The following TANGO2 variants were observed in gnomAD, a reference collection of about 807,000 sequenced individuals.
The protein encoded by TANGO2 is transport and Golgi organization protein 2 homolog.
Under a neutral mutation model 39.1 loss-of-function variants are expected in TANGO2, and 26 were observed. That is an observed-to-expected ratio of 0.67 (90% CI 0.49 to 0.92). TANGO2 has a LOEUF of 0.92. TANGO2 is among the 40% of genes least tolerant of loss of function. The probability of loss-of-function intolerance (pLI) is 0.00; values close to 1 mark genes in which losing one functional copy is unlikely to be tolerated. For missense variants in TANGO2, 326 were observed against 360.1 expected, an observed-to-expected ratio of 0.91 and a Z score of 0.77; for synonymous variants, 131 against 144.5, an observed-to-expected ratio of 0.91 and a Z score of 0.67.
rs775375800 is a variant in TANGO2, at chr22:20,053,624, G to A, written c.380+73G>A. ...GGGCAGGCCTCAGGCTCATCAGGAA[G>A]TGGGGTTCCACTGGGGGCTGTGGCA... is the stretch of plus-strand genomic sequence containing the variant. On this transcript the variant is annotated intron_variant, in intron 5 of 8. Transcript: ENST00000327374. 52 of 1,029,446 alleles carry A rather than the reference G, an allele frequency of 5.1e-5. No individual in the cohort carries two copies. The Middle Eastern group carries it at 8.1e-4, about 16-fold the overall frequency. The allele number at this position is 1,029,446 out of a possible 1,614,324, so 63.8% of individuals were successfully genotyped here. A position where few individuals can be genotyped will look rare whatever the true frequency, so the allele number is the denominator to read the frequency against.
At chr22:20,062,412 A>C (rs417981) in intron 7 of TANGO2, among the ~76,000 whole-genome samples, 66,460 of 151,508 alleles carry the variant, frequency 0.44, 15,112 homozygotes, top group East Asian at 0.73. Flanking sequence ...TCAGAGAAGC[A>C]CCCATGGACC....
At chr22:20,028,473 C>T (rs2041214779) in intron 1 of TANGO2, among the ~76,000 whole-genome samples, 1 of 152,322 alleles carries the variant, frequency 6.6e-6, no homozygotes, top group African/African-American at 2.4e-5. Context: ...TCCTGGGTGA[C>T]CTGAGCGATG....
At chr22:20,017,712 A>G (rs1945298402), upstream of TANGO2, among the ~76,000 whole-genome samples, 1 of 152,212 alleles carries the variant, frequency 6.6e-6, no homozygotes, top group South Asian at 2.1e-4. Flanking sequence ...GCCTGTTGAG[A>G]TTCACGTAGG....
chr22:20,038,623 T>C (rs1191196150), intron 2 of TANGO2, among the ~76,000 whole-genome samples: 1 of 152,198 alleles, frequency 6.6e-6, no homozygotes, highest in African/African-American at 2.4e-5. Context: ...CTCTGGACTA[T>C]TTTCCGAAGC....
intron 3 of TANGO2, among the ~76,000 whole-genome samples, chr22:20,045,766 G>T (rs1393724185): frequency 6.6e-6 from 1 of 152,060 alleles, no homozygotes. Context: ...TCCTCCCAAA[G>T]TGCTGGGATT....
chr22:20,051,216 A>G (rs1478626726), intron 3 of TANGO2, among the ~76,000 whole-genome samples: 1 of 151,652 alleles, frequency 6.6e-6, no homozygotes, highest in Non-Finnish European at 1.5e-5. Context: ...TTTTTCTGTT[A>G]TAATTAATTA....
upstream of TANGO2, among the ~76,000 whole-genome samples, chr22:20,017,964 C>T (rs911561179): frequency 1.3e-5 from 2 of 152,202 alleles, no homozygotes; most frequent in African/African-American, 4.8e-5. Context: ...TTCTCCAAGG[C>T]CGCCTGGGGA....
intron 4 of TANGO2, 144 bp from the exon 5 acceptor site, chr22:20,053,293 A>AG: frequency 3.3e-6 from 2 of 614,822 alleles, no homozygotes. Context: ...GGTGTGGCTG[A>AG]CTCTTGCGGC....
rs938744763 is a variant in TANGO2 at position 20,033,317 on chromosome 22, C to T, written c.-39-3443C>T. 6.4e-5 allele frequency: 28 copies of T among 436,304 alleles called. 1 individual carries two copies. The highest frequency in any genetic ancestry group is 4.7e-4 in the South Asian group (28 of 59,202). 27.0% of individuals were successfully genotyped at this position (436,304 alleles called of 1,614,324 possible). A position where few individuals can be genotyped will look rare whatever the true frequency, so the allele number is the denominator to read the frequency against. On this transcript the variant is annotated intron_variant, in intron 1 of 8. Coordinates refer to ENST00000327374, the MANE Select transcript of TANGO2 (RefSeq NM_152906.7). Reference sequence around the variant, plus strand: ...ATCTGTTTATGGCCTTCCCTTGGACCATGGAGCCCTCCCTGCCACTGGTGC... The same window carrying T: ...ATCTGTTTATGGCCTTCCCTTGGACTATGGAGCCCTCCCTGCCACTGGTGC...
chr22:20,031,158 G>A (rs1193240912), intron 1 of TANGO2, among the ~76,000 whole-genome samples: 3 of 151,216 alleles, frequency 2.0e-5, no homozygotes, highest in Non-Finnish European at 4.4e-5. Context: ...AGATCGCGCC[G>A]CTGCACTCCA....
chr22:20,029,178 C>T (rs2041361382), intron 1 of TANGO2, among the ~76,000 whole-genome samples: 2 of 152,286 alleles, frequency 1.3e-5, no homozygotes, highest in East Asian at 1.9e-4. Context: ...GAGTTTAGCC[C>T]GTTTCCATTT....
intron 3 of TANGO2, among the ~76,000 whole-genome samples, chr22:20,050,054 T>C (rs1001807307): frequency 1.3e-5 from 2 of 151,324 alleles, no homozygotes; most frequent in Admixed American, 1.3e-4. Context: ...TAAAAAAATA[T>C]GAAAAAATTA....
intron 5 of TANGO2, chr22:20,054,079 A>C: frequency 3.5e-6 from 1 of 283,064 alleles, no homozygotes; most frequent in Non-Finnish European, 6.9e-6. Flanking sequence ...GGCAAACGGG[A>C]AGTGGTCGGC....
At position 20,045,385 on chromosome 22, in the gene TANGO2, A is replaced by G. The variant is rs1346900000; in HGVS notation, c.145+1942A>G. Among the ~76,000 whole-genome samples the G allele has an allele frequency of 3.3e-5, 5 of 152,044 alleles. No individual in the cohort carries two copies. The South Asian group carries it at 1.0e-3, about 32-fold the overall frequency. ...GCCTGGAAGGTAGAAGCTGCAGTGA[A>G]CCGAGACTGAGCCACTGCAGTTAGC... is the stretch of plus-strand genomic sequence containing the variant. On this transcript the variant is annotated intron_variant, in intron 3 of 8. Coordinates refer to ENST00000327374, the MANE Select transcript of TANGO2 (RefSeq NM_152906.7).
intron 4 of TANGO2, among the ~76,000 whole-genome samples, chr22:20,052,801 G>A (rs190306750): frequency 6.6e-6 from 1 of 152,268 alleles, no homozygotes; most frequent in Non-Finnish European, 1.5e-5. Context: ...CGGTGACAAA[G>A]CGTGGCAGGG....
chr22:20,062,174 C>T (rs553515042), intron 7 of TANGO2, among the ~76,000 whole-genome samples: 4 of 152,192 alleles, frequency 2.6e-5, no homozygotes, highest in African/African-American at 4.8e-5. Context: ...CGGGAACTGC[C>T]TGGGTGTAGG....
chr22:20,064,772 C>T lies in TANGO2; in HGVS notation c.*110C>T. The stretch of plus-strand genomic sequence containing the variant: ...TGCATTGCACTGCCCGTGGCTTGGC[C>T]AGCATCCCCCGGATCAGGGCCCTGT... On this transcript the variant is annotated 3_prime_UTR_variant, in exon 9 of 9. Transcript: ENST00000327374. The T allele has an allele frequency of 7.2e-7, 1 of 1,390,082 alleles. No individual in the cohort carries two copies. The highest frequency in any genetic ancestry group is 9.7e-7 in the Non-Finnish European group (1 of 1,025,946). 86.1% of individuals were successfully genotyped at this position (1,390,082 alleles called of 1,614,324 possible).
chr22:20,040,695 C>T (rs2043735922), intron 2 of TANGO2, among the ~76,000 whole-genome samples: 1 of 150,650 alleles, frequency 6.6e-6, no homozygotes, highest in African/African-American at 2.5e-5. Flanking sequence ...AGGTCTGGGG[C>T]AAGTGCACTG....
Position 20,065,599 on chromosome 22 carries a change from C to G in TANGO2, c.*937C>G, listed in dbSNP as rs1306141690. On this transcript the variant is annotated 3_prime_UTR_variant, in exon 9 of 9. Coordinates refer to ENST00000327374, the MANE Select transcript of TANGO2 (RefSeq NM_152906.7). The stretch of plus-strand genomic sequence containing the variant: ...TGGTGATCCACCTGCCTCGGCCTCC[C>G]AAAGTGCTGGGATTACAGGCGTGAG... 6.6e-6 allele frequency: 1 copy of G among 152,236 alleles called. No homozygotes were observed. The highest frequency in any genetic ancestry group is 1.5e-5 in the Non-Finnish European group (1 of 68,208). The allele number at this position is 152,236 out of a possible 1,614,324, so 9.4% of individuals were successfully genotyped here. A position where few individuals can be genotyped will look rare whatever the true frequency, so the allele number is the denominator to read the frequency against.
Sources: gnomAD v4.1 joint callset for allele counts (sites outside exome capture counted in the v4.1 genomes callset) on GRCh38, gnomAD v4.1.1 for gene constraint, MANE v1.5 for transcripts, NCBI Gene and HGNC (gene_info 2026-07-23, HGNC 2026-07-21) for gene names.